The following ITPRID1 variants were observed in gnomAD, a reference collection of about 807,000 sequenced individuals.
The protein encoded by ITPRID1 is ITPR interacting domain containing 1, also known as protein ITPRID1.
A neutral mutation model predicts 95.4 loss-of-function variants in ITPRID1; 96 were observed. The observed-to-expected ratio is 1.01, with a 90% CI of 0.85 to 1.19. The LOEUF (loss-of-function observed/expected upper bound fraction) is 1.19. ITPRID1 is among the 50% of genes most tolerant of loss of function. The probability of loss-of-function intolerance (pLI) is 0.00; values close to 1 mark genes in which losing one functional copy is unlikely to be tolerated. For missense variants in ITPRID1, 1,339 were observed against 1,252.9 expected (o/e 1.07, Z -1.04); for synonymous variants, 510 against 453.6 (o/e 1.12, Z -1.58).
At chr7:31,606,433 T>C (rs1021423161) in intron 10 of ITPRID1, among the ~76,000 whole-genome samples, 2 of 142,872 alleles carry the variant, frequency 1.4e-5, no homozygotes, top group African/African-American at 5.2e-5. Flanking sequence ...AATATCTTCA[T>C]AGTGAAGTGA....
intron 10 of ITPRID1, among the ~76,000 whole-genome samples, chr7:31,602,978 A>G (rs1269103177): frequency 2.0e-5 from 3 of 148,272 alleles, no homozygotes; most frequent in Non-Finnish European, 4.4e-5. Context: ...TCTTCCATAT[A>G]TCACCCCCTC....
chr7:31,562,044 TAAAAAA>T (rs33912394), intron 5 of ITPRID1, among the ~76,000 whole-genome samples: 79 of 52,554 alleles, frequency 1.5e-3, no homozygotes, highest in Admixed American at 7.1e-3. Flanking sequence ...GCTATGTATT[TAAAAAA>T]AAAAAAAAAA....
chr7:31,584,770 A>T (rs188228714), intron 10 of ITPRID1, among the ~76,000 whole-genome samples: 12,653 of 152,324 alleles, frequency 0.083, 637 homozygotes, highest in Middle Eastern at 0.13. Context: ...TCATATGTAT[A>T]TGATAACTGT....
intron 10 of ITPRID1, among the ~76,000 whole-genome samples, chr7:31,620,574 A>C (rs1048626677): frequency 1.3e-5 from 2 of 151,316 alleles, no homozygotes; most frequent in Non-Finnish European, 3.0e-5. Flanking sequence ...GAAAACTAAC[A>C]AACAGAAAGG....
chr7:31,571,469 A>G (rs1784985786), intron 6 of ITPRID1, among the ~76,000 whole-genome samples: 1 of 152,200 alleles, frequency 6.6e-6, no homozygotes, highest in African/African-American at 2.4e-5. Context: ...ATGGGGCTAG[A>G]TGTGATCCAT....
chr7:31,562,953 T>C (rs770602037), intron 5 of ITPRID1, among the ~76,000 whole-genome samples: 2 of 152,180 alleles, frequency 1.3e-5, no homozygotes, highest in Non-Finnish European at 1.5e-5. Context: ...GTTCTACCCA[T>C]GTGGCTCTTG....
At chr7:31,651,048 A>G in intron 12 of ITPRID1, 94 bp from the exon 13 acceptor site, 9 of 1,409,886 alleles carry the variant, frequency 6.4e-6, no homozygotes, top group Admixed American at 2.3e-5. Flanking sequence ...TTGCGAAAAA[A>G]GGGATCCCAA....
chr7:31,586,087 G>C (rs1785591718), intron 10 of ITPRID1, among the ~76,000 whole-genome samples: 1 of 142,882 alleles, frequency 7.0e-6, no homozygotes, highest in South Asian at 2.4e-4. Context: ...AGAATATGCG[G>C]TGTTTGGTTT....
chr7:31,551,904 CAT>C (rs1416110839), intron 2 of ITPRID1: 1 of 418,150 alleles, frequency 2.4e-6, no homozygotes, highest in Non-Finnish European at 4.8e-6. Context: ...CAAATTAAAG[CAT>C]ATGTCATGGA....
intron 10 of ITPRID1, among the ~76,000 whole-genome samples, chr7:31,635,937 A>T (rs1019741807): frequency 6.6e-6 from 1 of 152,168 alleles, no homozygotes; most frequent in South Asian, 2.1e-4. Context: ...ACTTAAAATA[A>T]TTTTTTTTAA....
At chr7:31,562,460 C>A (rs945285013) in intron 5 of ITPRID1, among the ~76,000 whole-genome samples, 1 of 152,126 alleles carries the variant, frequency 6.6e-6, no homozygotes, top group African/African-American at 2.4e-5. Context: ...AGAATAAACT[C>A]ATTTCTTTTC....
At chr7:31,545,255 C>T (rs1784059632) in intron 1 of ITPRID1, among the ~76,000 whole-genome samples, 1 of 152,052 alleles carries the variant, frequency 6.6e-6, no homozygotes, top group Admixed American at 6.6e-5. Flanking sequence ...GATGATGCAT[C>T]TTGGAACAAG....
chr7:31,615,681 C>T (rs1245584339), intron 10 of ITPRID1, among the ~76,000 whole-genome samples: 1 of 132,664 alleles, frequency 7.5e-6, no homozygotes, highest in Non-Finnish European at 1.6e-5. Context: ...TGACCAAGAT[C>T]ATTACTAATA....
chr7:31,627,019 C>T (rs957785530), intron 10 of ITPRID1, among the ~76,000 whole-genome samples: 4 of 152,236 alleles, frequency 2.6e-5, no homozygotes, highest in African/African-American at 7.2e-5. Context: ...GTCTAAAACA[C>T]ATATGTTGAG....
In ITPRID1 at chr7:31,553,159, A is replaced by G; in HGVS notation, c.135A>G (p.Glu45=). ...GGCTGCCCCCTGACCCTGAGGAGGA[A>G]AGCCAGAGTCTCACCATCCCCATGC... is the stretch of plus-strand genomic sequence containing the variant. The part of the protein sequence containing the change: ...DEWLPPDPEE[E]SQSLTIPMLE... Residue 45 remains glutamate, a synonymous_variant, in exon 3 of 15, where the codon GAA becomes GAG. Coordinates refer to ENST00000615280, the MANE Select transcript of ITPRID1 (RefSeq NM_001257967.3). The G allele has an allele frequency of 7.6e-6, 12 of 1,587,414 alleles. No individual in the cohort carries two copies. Among genetic ancestry groups the G allele is most frequent in the Non-Finnish European group, 8.6e-6 (10 of 1,165,700 alleles).
intron 2 of ITPRID1, among the ~76,000 whole-genome samples, chr7:31,552,715 G>A (rs7807145): frequency 0.81 from 123,398 of 152,122 alleles, 51,482 homozygotes; most frequent in Non-Finnish European, 0.92. Context: ...TTTGCTCTCC[G>A]TCCACATCCC....
In ITPRID1 at chr7:31,554,884, A is replaced by G; in HGVS notation, c.239A>G (p.Gln80Arg). The G allele has an allele frequency of 6.3e-7, 1 of 1,583,184 alleles. No homozygotes were observed. The highest frequency in any genetic ancestry group is 8.6e-7 in the Non-Finnish European group (1 of 1,162,476). ...FFVSANENFQ[Q>R]VIDRTVSLYE... ...GTCTCTGCAAATGAAAACTTTCAACAAGTCATTGACCGCACTGGTAAGACA... is the reference window on the plus strand; with the variant it reads ...GTCTCTGCAAATGAAAACTTTCAACGAGTCATTGACCGCACTGGTAAGACA... Residue 80 changes from glutamine (Q) to arginine (R), a missense_variant, in exon 5 of 15, where the codon CAA becomes CGA. Transcript: ENST00000615280.
At chr7:31,634,210 C>T (rs1051236384) in intron 10 of ITPRID1, among the ~76,000 whole-genome samples, 3 of 152,082 alleles carry the variant, frequency 2.0e-5, no homozygotes, top group African/African-American at 4.8e-5. Flanking sequence ...GCAGGGTCCC[C>T]CTAATTGGGA....
Position 31,630,526 on chromosome 7 carries a change from T to C in ITPRID1, c.1229-11650T>C, listed in dbSNP as rs981962. Among the ~76,000 whole-genome samples the C allele has an allele frequency of 7.4e-3, 1,122 of 152,312 alleles. 16 individuals carry two copies. Among genetic ancestry groups the C allele is most frequent in the African/African-American group, 0.026 (1,081 of 41,580 alleles). ...AGTAATGTTGAACTAATAAAGATTC[T>C]GAGGCTGAATTTCAGCTCAGCAGAA... On this transcript the variant is annotated intron_variant, in intron 10 of 14. Coordinates refer to ENST00000615280, the MANE Select transcript of ITPRID1 (RefSeq NM_001257967.3).
Sources: allele counts gnomAD v4.1 joint callset (sites outside exome capture counted in the v4.1 genomes callset), GRCh38; gene constraint gnomAD v4.1.1; transcripts MANE v1.5; gene names NCBI Gene and HGNC (gene_info 2026-07-23, HGNC 2026-07-21).